STAU1: variants seen among roughly 807,000 people sequenced by gnomAD.
STAU1 encodes the protein double-stranded RNA-binding protein Staufen homolog 1.
Under a neutral mutation model 62.9 loss-of-function variants are expected in STAU1, and 13 were observed. The ratio of observed to expected loss-of-function variants is 0.21; its 90% CI spans 0.13 to 0.33. The LOEUF (loss-of-function observed/expected upper bound fraction) is 0.33, where lower values mean the gene tolerates loss of function less well. STAU1 is among the 10% of genes least tolerant of loss of function. STAU1 has a pLI of 1.00. For synonymous variants in STAU1, 269 were observed against 265.1 expected (o/e 1.01, Z -0.14); for missense variants, 571 against 712.1 (o/e 0.80, Z 2.25).
chr20:49,153,793 G>A, intron 4 of STAU1, 140 bp downstream of exon 4: 1 of 705,360 alleles, frequency 1.4e-6, no homozygotes, highest in East Asian at 3.4e-5. Context: ...AGGCACAAGA[G>A]TAATTAAGAC....
Position 49,141,138 on chromosome 20 carries a change from A to G in STAU1, c.511-5207T>C, listed in dbSNP as rs1313154721. Among the ~76,000 whole-genome samples the G allele has an allele frequency of 3.9e-5, 6 of 152,220 alleles. No homozygotes were observed. In the East Asian group the frequency reaches 9.6e-4, roughly 24 times the overall value. ...TGCCCCAATTTTCAATGTTTTGTTC[A>G]TTGTATCAGCCCAATTAGGTTTAAC... On this transcript the variant is annotated intron_variant, in intron 5 of 13. Transcript: ENST00000371856.
At chr20:49,134,987 A>T in intron 6 of STAU1, 1 of 1,602,820 alleles carries the variant, frequency 6.2e-7, no homozygotes, top group Non-Finnish European at 8.5e-7. Context: ...ACAGTTCATG[A>T]ACAAGAGTCT....
At chr20:49,182,601 G>A (rs548474273) in intron 1 of STAU1, among the ~76,000 whole-genome samples, 1 of 152,350 alleles carries the variant, frequency 6.6e-6, no homozygotes, top group South Asian at 2.1e-4. Context: ...CACTTCGGGA[G>A]GCCGAGGTGG....
chr20:49,172,699 A>G (rs2093612360), intron 2 of STAU1, among the ~76,000 whole-genome samples: 1 of 152,172 alleles, frequency 6.6e-6, no homozygotes, highest in Non-Finnish European at 1.5e-5. Flanking sequence ...AGTAGCAACC[A>G]ACAATGTTAA....
chr20:49,201,621 A>T, the STAU1 span, among the ~76,000 whole-genome samples: 1 of 151,926 alleles, frequency 6.6e-6, no homozygotes, highest in Non-Finnish European at 1.5e-5. Flanking sequence ...AGGCACCTGT[A>T]ATTCCAGCTA....
At chr20:49,189,770 C>G (rs970765434), upstream of STAU1, among the ~76,000 whole-genome samples, 1 of 152,148 alleles carries the variant, frequency 6.6e-6, no homozygotes, top group Non-Finnish European at 1.5e-5. Context: ...GGGACTGCCG[C>G]CCCACTATTT....
At chr20:49,121,464 C>G (rs918403501) in intron 8 of STAU1, among the ~76,000 whole-genome samples, 1 of 152,154 alleles carries the variant, frequency 6.6e-6, no homozygotes, top group African/African-American at 2.4e-5. Flanking sequence ...CAACCAAAAT[C>G]TCAAATCTAC....
upstream of STAU1, among the ~76,000 whole-genome samples, chr20:49,189,684 G>A (rs1415330926): frequency 1.3e-5 from 2 of 150,916 alleles, no homozygotes; most frequent in Non-Finnish European, 1.5e-5. Flanking sequence ...TTATGCTCGC[G>A]TTGTGAGAGG....
rs1006784352 is a variant in STAU1, at chr20:49,114,684, A to T, written c.*194T>A. On this transcript the variant is annotated 3_prime_UTR_variant, in exon 14 of 14. Transcript: ENST00000371856. ...CAGGTCACCGAGTGGCCATCACAAC[A>T]AACCCCAGCACAGTCCAGCCCGGCC... The T allele has an allele frequency of 1.6e-5, 9 of 567,818 alleles. No individual in the cohort carries two copies. Among genetic ancestry groups the T allele is most frequent in the Non-Finnish European group, 2.5e-5 (8 of 314,742 alleles). 35.2% of individuals were successfully genotyped at this position (567,818 alleles called of 1,614,324 possible).
the STAU1 span, among the ~76,000 whole-genome samples, chr20:49,199,616 AG>A: frequency 1.1e-4 from 17 of 150,830 alleles, no homozygotes; most frequent in Non-Finnish European, 2.1e-4. Flanking sequence ...TCTGTTGCCC[AG>A]GCTGGAGTGC....
intron 1 of STAU1, among the ~76,000 whole-genome samples, chr20:49,181,073 G>GC (rs1244616859): frequency 1.3e-5 from 2 of 152,176 alleles, no homozygotes; most frequent in African/African-American, 2.4e-5. Context: ...CCTCGGAAGC[G>GC]CATCAGCATC....
rs191613376 is a variant in STAU1 at position 49,118,900 on chromosome 20, T to C, written c.1114-492A>G. On this transcript the variant is annotated intron_variant, in intron 9 of 13. Coordinates refer to ENST00000371856, the MANE Select transcript of STAU1 (RefSeq NM_017453.4). ...GAATTTTGTCTAACACAACATCACCTTTCTAAGAAGTAACAAAGGACACTC... is the reference window on the plus strand; with the variant it reads ...GAATTTTGTCTAACACAACATCACCCTTCTAAGAAGTAACAAAGGACACTC... Among the ~76,000 whole-genome samples, 492 of 152,314 alleles carry C rather than the reference T, an allele frequency of 3.2e-3. 2 individuals carry two copies. The highest frequency in any genetic ancestry group is 6.8e-3 in the Middle Eastern group (2 of 294).
chr20:49,175,794 A>T, intron 1 of STAU1, among the ~76,000 whole-genome samples: 2 of 43,000 alleles, frequency 4.7e-5, no homozygotes, highest in Admixed American at 2.1e-4. Flanking sequence ...CAACCTCATA[A>T]TGCCTTTTTT....
intron 10 of STAU1, 117 bp downstream of exon 10, chr20:49,118,216 G>A: frequency 7.3e-7 from 1 of 1,369,656 alleles, no homozygotes; most frequent in Middle Eastern, 1.8e-4. Flanking sequence ...GGGAATCAGG[G>A]AATGATAAAG....
chr20:49,190,785 C>CT (rs1318010574), upstream of STAU1, among the ~76,000 whole-genome samples: 1 of 152,052 alleles, frequency 6.6e-6, no homozygotes, highest in Non-Finnish European at 1.5e-5. Flanking sequence ...TCACAAGAAA[C>CT]TGTGAGCATT....
intron 6 of STAU1, among the ~76,000 whole-genome samples, chr20:49,133,059 C>T (rs2092786918): frequency 6.6e-6 from 1 of 152,196 alleles, no homozygotes; most frequent in Non-Finnish European, 1.5e-5. Flanking sequence ...CCACCAACTA[C>T]ATGCAAGCTG....
At chr20:49,118,275 G>C (rs1304610077) in intron 10 of STAU1, 58 bp downstream of exon 10, 10 of 1,517,688 alleles carry the variant, frequency 6.6e-6, no homozygotes, top group Non-Finnish European at 9.1e-6. Flanking sequence ...TGTTATTCAG[G>C]ACCCATGCAA....
At chr20:49,219,210 G>C in the STAU1 span, 1 of 758,764 alleles carries the variant, frequency 1.3e-6, no homozygotes, top group Non-Finnish European at 2.1e-6. Flanking sequence ...ACCGTTTTGA[G>C]GCCGGAGACA....
At chr20:49,201,340 A>T in the STAU1 span, among the ~76,000 whole-genome samples, 1 of 152,196 alleles carries the variant, frequency 6.6e-6, no homozygotes. Flanking sequence ...AAAAAAAGTC[A>T]CTGACTTAAT....
Sources: allele counts gnomAD v4.1 joint callset (sites outside exome capture counted in the v4.1 genomes callset), GRCh38; gene constraint gnomAD v4.1.1; transcripts MANE v1.5; gene names NCBI Gene and HGNC (gene_info 2026-07-23, HGNC 2026-07-21).